Variants in ATP8A2 observed in about 807,000 individuals in gnomAD.
The protein encoded by ATP8A2 is phospholipid-transporting ATPase IB.
In ATP8A2, 100 loss-of-function variants were observed where a neutral mutation model predicts 165.6. That is an observed-to-expected ratio of 0.60 (90% CI 0.51 to 0.71). The LOEUF is 0.71. ATP8A2 is among the 30% of genes least tolerant of loss of function. The probability of loss-of-function intolerance (pLI) is 0.00; values close to 1 mark genes in which losing one functional copy is unlikely to be tolerated. For missense variants in ATP8A2, 1,227 were observed against 1,479.5 expected, an observed-to-expected ratio of 0.83 and a Z score of 2.80; for synonymous variants, 543 against 548.8, an observed-to-expected ratio of 0.99 and a Z score of 0.15.
intron 24 of ATP8A2, among the ~76,000 whole-genome samples, chr13:25,671,675 G>A (rs943312696): frequency 4.0e-5 from 6 of 151,688 alleles, no homozygotes; most frequent in Non-Finnish European, 8.8e-5. Context: ...ATTTTGGTCA[G>A]ACCGGTTGAT....
chr13:25,562,988 C>G (rs1168887978), intron 15 of ATP8A2, among the ~76,000 whole-genome samples: 1 of 152,180 alleles, frequency 6.6e-6, no homozygotes, highest in Admixed American at 6.5e-5. Flanking sequence ...CATCAGCTTG[C>G]ATTTTAGGTG....
intron 30 of ATP8A2, among the ~76,000 whole-genome samples, chr13:25,844,039 G>T (rs1951805040): frequency 6.6e-6 from 1 of 152,126 alleles, no homozygotes; most frequent in South Asian, 2.1e-4. Flanking sequence ...GGACCATGCG[G>T]TTGCACAGGA....
chr13:25,571,515 A>T, intron 17 of ATP8A2, 95 bp from the exon 18 acceptor site: 1 of 862,324 alleles, frequency 1.2e-6, no homozygotes, highest in Non-Finnish European at 1.9e-6. Flanking sequence ...GGCCTCCTTC[A>T]GTAGAGCGGA....
At chr13:25,934,482 C>T (rs1428983513) in intron 33 of ATP8A2, among the ~76,000 whole-genome samples, 1 of 152,236 alleles carries the variant, frequency 6.6e-6, no homozygotes, top group Non-Finnish European at 1.5e-5. Context: ...GTGGCTTTTA[C>T]CTCCGGTCAG....
At chr13:25,491,935 G>A (rs2036539534) in intron 2 of ATP8A2, among the ~76,000 whole-genome samples, 1 of 152,142 alleles carries the variant, frequency 6.6e-6, no homozygotes, top group Admixed American at 6.5e-5. Flanking sequence ...GTAACCAAAG[G>A]ATCAAAATTC....
At chr13:25,884,374 G>A (rs761705805) in intron 33 of ATP8A2, among the ~76,000 whole-genome samples, 4 of 152,080 alleles carry the variant, frequency 2.6e-5, no homozygotes, top group Non-Finnish European at 5.9e-5. Context: ...CCACCCACAC[G>A]CCCCACTCCC....
chr13:25,947,107 T>C (rs1168050788), intron 33 of ATP8A2, among the ~76,000 whole-genome samples: 4 of 152,116 alleles, frequency 2.6e-5, no homozygotes, highest in Non-Finnish European at 5.9e-5. Flanking sequence ...AGATTGAAGA[T>C]CCAGGAGGAT....
At chr13:25,871,108 TG>T (rs111586826) in intron 33 of ATP8A2, 1,043 of 283,914 alleles carry the variant, frequency 3.7e-3, no homozygotes, top group African/African-American at 5.3e-3. Flanking sequence ...TTTGATTGAG[TG>T]GTTTTTTTTT....
chr13:25,891,584 A>G lies in ATP8A2; in HGVS notation c.3183+29176A>G, dbSNP rs138899739. Among the ~76,000 whole-genome samples the G allele has an allele frequency of 5.5e-3, 844 of 152,234 alleles. 7 individuals carry two copies. Among genetic ancestry groups the G allele is most frequent in the Non-Finnish European group, 9.0e-3 (609 of 68,014 alleles). On this transcript the variant is annotated intron_variant, in intron 33 of 36. Coordinates refer to ENST00000381655, the MANE Select transcript of ATP8A2 (RefSeq NM_016529.6). ...GGTGATCTGCCTACCTTGGCCTCCCAAAGTGCTGCGATTACAGGTGCGAGC... is the reference window on the plus strand; with the variant it reads ...GGTGATCTGCCTACCTTGGCCTCCCGAAGTGCTGCGATTACAGGTGCGAGC...
chr13:25,615,566 C>T (rs964916441), intron 24 of ATP8A2, among the ~76,000 whole-genome samples: 2 of 152,162 alleles, frequency 1.3e-5, no homozygotes, highest in Non-Finnish European at 2.9e-5. Flanking sequence ...CGGGTTCTGT[C>T]CAGGAAACTT....
intron 35 of ATP8A2, among the ~76,000 whole-genome samples, chr13:25,980,205 T>TA (rs1956147974): frequency 6.6e-6 from 1 of 152,154 alleles, no homozygotes; most frequent in South Asian, 2.1e-4. Flanking sequence ...ACGCAGGTCT[T>TA]ACGGCCTCCT....
At chr13:25,428,012 C>T (rs1270267383) in intron 1 of ATP8A2, among the ~76,000 whole-genome samples, 2 of 151,940 alleles carry the variant, frequency 1.3e-5, no homozygotes, top group Non-Finnish European at 2.9e-5. Context: ...GGCAAAACCC[C>T]ATCTCTACAA....
intron 33 of ATP8A2, among the ~76,000 whole-genome samples, chr13:25,950,494 C>T (rs1955326810): frequency 6.6e-6 from 1 of 152,182 alleles, no homozygotes; most frequent in African/African-American, 2.4e-5. Context: ...AACAGCACTC[C>T]CCCTCCTCAC....
chr13:25,869,370 G>A (rs1952614863), intron 33 of ATP8A2, among the ~76,000 whole-genome samples: 1 of 152,190 alleles, frequency 6.6e-6, no homozygotes, highest in Non-Finnish European at 1.5e-5. Context: ...GATGGGAACA[G>A]AACTCCCGTT....
chr13:25,898,144 C>A (rs577077891), intron 33 of ATP8A2, among the ~76,000 whole-genome samples: 20 of 152,204 alleles, frequency 1.3e-4, no homozygotes, highest in Non-Finnish European at 2.5e-4. Flanking sequence ...TGTTTTTTCC[C>A]CATCTTTTGG....
chr13:25,479,887 ACTT>A (rs1384012157), intron 2 of ATP8A2, among the ~76,000 whole-genome samples: 1 of 151,854 alleles, frequency 6.6e-6, no homozygotes, highest in African/African-American at 2.4e-5. Context: ...TCCCATGTCT[ACTT>A]CTTTCCACAC....
At chr13:25,493,241 T>C (rs1393971471) in intron 2 of ATP8A2, among the ~76,000 whole-genome samples, 1 of 152,220 alleles carries the variant, frequency 6.6e-6, no homozygotes, top group African/African-American at 2.4e-5. Context: ...TACTCTGGCC[T>C]TATGCTCATT....
chr13:25,665,934 A>G (rs1316636693), intron 24 of ATP8A2, among the ~76,000 whole-genome samples: 1 of 148,712 alleles, frequency 6.7e-6, no homozygotes, highest in Admixed American at 6.7e-5. Flanking sequence ...ATATAAATAT[A>G]TATTTATAAA....
intron 1 of ATP8A2, among the ~76,000 whole-genome samples, chr13:25,375,708 G>C (rs1244665815): frequency 2.0e-5 from 3 of 151,864 alleles, no homozygotes; most frequent in Non-Finnish European, 4.4e-5. Context: ...AAGTAGCTGG[G>C]ATTATAGGCT....
Sources: gnomAD v4.1 joint callset for allele counts (sites outside exome capture counted in the v4.1 genomes callset) on GRCh38, gnomAD v4.1.1 for gene constraint, MANE v1.5 for transcripts, NCBI Gene and HGNC (gene_info 2026-07-23, HGNC 2026-07-21) for gene names.